Variants in SMC6 observed in about 807,000 individuals in gnomAD.
The protein encoded by SMC6 is structural maintenance of chromosomes 6, also known as structural maintenance of chromosomes protein 6.
SMC6 carries 79 observed loss-of-function variants against 142.2 expected under a neutral mutation model. The ratio of observed to expected loss-of-function variants is 0.56; its 90% CI spans 0.46 to 0.67. SMC6 has a LOEUF of 0.67. Among genes scored for constraint, SMC6 ranks in the 30% least tolerant of loss-of-function variants. The pLI, the probability that SMC6 is intolerant of heterozygous loss-of-function variation, is 0.00. For missense variants in SMC6, 1,072 were observed against 1,284.0 expected (o/e 0.83, Z 2.52); for synonymous variants, 411 against 412.4 (o/e 1.00, Z 0.04).
intron 23 of SMC6, among the ~76,000 whole-genome samples, chr2:17,691,144 C>T (rs1442762472): frequency 2.7e-5 from 4 of 150,552 alleles, no homozygotes; most frequent in Admixed American, 2.6e-4. Context: ...CAAGATATAT[C>T]ACTAAACCAA....
chr2:17,735,498 A>G (rs1004359686), intron 5 of SMC6, among the ~76,000 whole-genome samples: 7 of 152,242 alleles, frequency 4.6e-5, no homozygotes, highest in South Asian at 2.1e-4. Flanking sequence ...AATCAGGAAC[A>G]TAAAACAGGA....
At chr2:17,695,015 T>C (rs185764685) in intron 23 of SMC6, 137 bp downstream of exon 23, 10 of 890,798 alleles carry the variant, frequency 1.1e-5, no homozygotes, top group East Asian at 9.8e-5. Flanking sequence ...AATACACATA[T>C]AAAGGACTAC....
intron 5 of SMC6, 146 bp from the exon 6 acceptor site, chr2:17,732,023 T>G (rs1382377208): frequency 1.4e-6 from 1 of 701,798 alleles, no homozygotes; most frequent in African/African-American, 1.8e-5. Flanking sequence ...CTGACACTGA[T>G]TGTTCACTAC....
chr2:17,726,591 G>A, intron 7 of SMC6, 122 bp from the exon 8 acceptor site: 1 of 652,948 alleles, frequency 1.5e-6, no homozygotes, highest in South Asian at 2.2e-5. Flanking sequence ...AATAGCCAAA[G>A]GTTATAACGT....
intron 16 of SMC6, among the ~76,000 whole-genome samples, chr2:17,714,199 G>A (rs1429452603): frequency 6.6e-6 from 1 of 150,996 alleles, no homozygotes; most frequent in Non-Finnish European, 1.5e-5. Context: ...AGGCTCAAGC[G>A]ATTCTCCCAC....
intron 2 of SMC6, among the ~76,000 whole-genome samples, chr2:17,748,658 C>A (rs1670869318): frequency 6.6e-6 from 1 of 152,232 alleles, no homozygotes; most frequent in Admixed American, 6.5e-5. Context: ...TTTTCCAACA[C>A]TTTCTTCTCT....
At chr2:17,707,992 A>G (rs1009019238) in intron 17 of SMC6, among the ~76,000 whole-genome samples, 1 of 101,596 alleles carries the variant, frequency 9.8e-6, no homozygotes, top group Non-Finnish European at 1.9e-5. Context: ...GTATATGTAT[A>G]TATATACACA....
chr2:17,690,874 G>C (rs1667675998), intron 23 of SMC6, among the ~76,000 whole-genome samples: 1 of 151,694 alleles, frequency 6.6e-6, no homozygotes. Context: ...AGGAAAACAG[G>C]CACTCTAACA....
At chr2:17,698,787 A>T (rs1668130190) in intron 21 of SMC6, among the ~76,000 whole-genome samples, 1 of 152,054 alleles carries the variant, frequency 6.6e-6, no homozygotes, top group African/African-American at 2.4e-5. Context: ...TTACTCCAAC[A>T]TACATTAAGG....
At chr2:17,673,008 C>A (rs1481088492) in intron 25 of SMC6, among the ~76,000 whole-genome samples, 1 of 152,150 alleles carries the variant, frequency 6.6e-6, no homozygotes, top group Non-Finnish European at 1.5e-5. Flanking sequence ...ATTAGTTTGA[C>A]CAAGTTACAC....
At chr2:17,665,704 T>C in intron 27 of SMC6, 91 bp from the exon 28 acceptor site, 1 of 660,832 alleles carries the variant, frequency 1.5e-6, no homozygotes, top group Non-Finnish European at 2.4e-6. Flanking sequence ...AATATAAAGC[T>C]AAATATTTGG....
chr2:17,731,020 C>A (rs1037436051), intron 7 of SMC6, 58 bp downstream of exon 7: 42 of 1,344,250 alleles, frequency 3.1e-5, no homozygotes, highest in Non-Finnish European at 4.1e-5. Context: ...CAAGTGAAAT[C>A]GCACTAAAAA....
At chr2:17,744,024 A>C (rs1670610223) in intron 3 of SMC6, among the ~76,000 whole-genome samples, 1 of 152,216 alleles carries the variant, frequency 6.6e-6, no homozygotes. Flanking sequence ...ATTATGAATA[A>C]AGCTGTTATA....
intron 23 of SMC6, among the ~76,000 whole-genome samples, chr2:17,685,029 A>T (rs1471866633): frequency 6.6e-6 from 1 of 152,090 alleles, no homozygotes; most frequent in African/African-American, 2.4e-5. Flanking sequence ...GAACACACAC[A>T]GATATGAAGA....
intron 5 of SMC6, among the ~76,000 whole-genome samples, chr2:17,732,475 GATCACTTGAGGT>G (rs1330548668): frequency 6.6e-6 from 1 of 152,156 alleles, no homozygotes; most frequent in Non-Finnish European, 1.5e-5. Flanking sequence ...AAGGTGGATG[GATCACTTGAGGT>G]CAGGAGTTCG....
intron 18 of SMC6, among the ~76,000 whole-genome samples, chr2:17,704,342 G>A (rs1407161780): frequency 6.6e-6 from 1 of 152,146 alleles, no homozygotes; most frequent in Non-Finnish European, 1.5e-5. Flanking sequence ...GTGAATAAAC[G>A]CAACAAATGT....
chr2:17,701,939 CAT>C, intron 19 of SMC6, 30 bp from the exon 20 acceptor site: 2 of 1,244,414 alleles, frequency 1.6e-6, no homozygotes, highest in East Asian at 2.5e-5. Context: ...ATTTTAGTAA[CAT>C]AAAAAAAAAT....
At chr2:17,750,775 C>G (rs146430120) in intron 2 of SMC6, among the ~76,000 whole-genome samples, 3 of 151,996 alleles carry the variant, frequency 2.0e-5, no homozygotes, top group African/African-American at 7.2e-5. Context: ...CCAAGGCAGG[C>G]GGATCACCTG....
chr2:17,701,744 TC>T, intron 20 of SMC6, 84 bp downstream of exon 20: 1 of 813,802 alleles, frequency 1.2e-6, no homozygotes, highest in Non-Finnish European at 2.0e-6. Context: ...AAAAGAACTT[TC>T]TAAAAAAGCT....
Sources: gnomAD v4.1 joint callset for allele counts (sites outside exome capture counted in the v4.1 genomes callset) on GRCh38, gnomAD v4.1.1 for gene constraint, MANE v1.5 for transcripts, NCBI Gene and HGNC (gene_info 2026-07-23, HGNC 2026-07-21) for gene names.